Variants in FCHO2 observed in about 807,000 individuals in gnomAD.
FCHO2 encodes the protein F-BAR domain only protein 2.
A neutral mutation model predicts 114.1 loss-of-function variants in FCHO2; 43 were observed. The ratio of observed to expected loss-of-function variants is 0.38; its 90% CI spans 0.30 to 0.49. FCHO2 has a LOEUF of 0.49. Among genes scored for constraint, FCHO2 ranks in the 20% least tolerant of loss-of-function variants. FCHO2 has a pLI of 0.97. For missense variants in FCHO2, 807 were observed against 950.4 expected, an observed-to-expected ratio of 0.85 and a Z score of 1.98; for synonymous variants, 293 against 315.2, an observed-to-expected ratio of 0.93 and a Z score of 0.75.
chr5:73,074,848 C>T lies in FCHO2; in HGVS notation c.1686C>T (p.Pro562=). Residue 562 remains proline, a synonymous_variant, in exon 20 of 26, where the codon CCC becomes CCT. Transcript: ENST00000430046. The part of the protein sequence containing the change: ...SVNAYFKGAD[P]TKCIVKITGD... ...ATGCCTACTTTAAAGGAGCAGATCC[C>T]ACCAAGTTAGTTTTTAAAATATATG... The T allele has an allele frequency of 6.2e-7, 1 of 1,610,068 alleles. No homozygotes were observed. Among genetic ancestry groups the T allele is most frequent in the Non-Finnish European group, 8.5e-7 (1 of 1,178,200 alleles).
At chr5:73,005,260 G>A (rs1754655856) in intron 5 of FCHO2, among the ~76,000 whole-genome samples, 1 of 151,980 alleles carries the variant, frequency 6.6e-6, no homozygotes, top group South Asian at 2.1e-4. Flanking sequence ...GTAGTTTTTT[G>A]TTTTTAGATT....
intron 2 of FCHO2, among the ~76,000 whole-genome samples, chr5:72,987,021 G>C (rs935876057): frequency 9.2e-5 from 14 of 151,462 alleles, no homozygotes; most frequent in African/African-American, 2.9e-4. Flanking sequence ...GATTACAGGC[G>C]TGTGTCACCA....
intron 8 of FCHO2, among the ~76,000 whole-genome samples, chr5:73,017,786 A>G (rs1291993054): frequency 1.3e-5 from 2 of 152,154 alleles, no homozygotes; most frequent in African/African-American, 4.8e-5. Context: ...TAACAAATAT[A>G]TTTATTGAGT....
chr5:72,971,687 CAGA>C (rs1345050575), intron 2 of FCHO2, among the ~76,000 whole-genome samples: 1 of 152,148 alleles, frequency 6.6e-6, no homozygotes, highest in East Asian at 1.9e-4. Flanking sequence ...TTTTGCTGTG[CAGA>C]AGCTCTTGAG....
intron 18 of FCHO2, among the ~76,000 whole-genome samples, chr5:73,066,548 C>T (rs906013767): frequency 6.8e-6 from 1 of 147,970 alleles, no homozygotes; most frequent in Non-Finnish European, 1.5e-5. Context: ...TTTAAATTTT[C>T]TCCAGCTGTA....
chr5:73,086,812 C>T (rs1215442882), intron 24 of FCHO2, among the ~76,000 whole-genome samples: 1 of 152,152 alleles, frequency 6.6e-6, no homozygotes, highest in Non-Finnish European at 1.5e-5. Context: ...TGCCACTCCC[C>T]TCTACCTGTA....
chr5:72,978,414 A>C (rs929410068), intron 2 of FCHO2, among the ~76,000 whole-genome samples: 1 of 152,040 alleles, frequency 6.6e-6, no homozygotes, highest in African/African-American at 2.4e-5. Context: ...CTGTTTGTCT[A>C]TTATTGGTGT....
intron 6 of FCHO2, among the ~76,000 whole-genome samples, chr5:73,012,125 T>G (rs1365516187): frequency 6.6e-6 from 1 of 152,216 alleles, no homozygotes; most frequent in African/African-American, 2.4e-5. Flanking sequence ...GCGGTACTTT[T>G]ATGTGACAGG....
intron 15 of FCHO2, among the ~76,000 whole-genome samples, chr5:73,055,826 A>G (rs374994241): frequency 7.9e-5 from 12 of 152,294 alleles, no homozygotes; most frequent in African/African-American, 2.9e-4. Flanking sequence ...TGAATATCAT[A>G]GTTTAATTGA....
At chr5:73,019,256 A>C (rs1755477962) in intron 8 of FCHO2, among the ~76,000 whole-genome samples, 1 of 152,116 alleles carries the variant, frequency 6.6e-6, no homozygotes, top group South Asian at 2.1e-4. Flanking sequence ...ATTCATAAAG[A>C]ATTTTGTGAC....
Position 73,061,820 on chromosome 5 carries a change from C to T in FCHO2, c.1346-2021C>T, listed in dbSNP as rs148856961. Among the ~76,000 whole-genome samples the T allele has an allele frequency of 3.6e-3, 544 of 152,110 alleles. 5 individuals carry two copies. The highest frequency in any genetic ancestry group is 0.013 in the African/African-American group (527 of 41,514). ...CTAATGCTTTGGATGGGATTTCTTC[C>T]GACAGCTGCATCTCTGAGGATCACA... On this transcript the variant is annotated intron_variant, in intron 17 of 25. Transcript: ENST00000430046.
rs139996700 is a variant in FCHO2 at position 73,049,444 on chromosome 5, C to T, written c.940-1905C>T. Among the ~76,000 whole-genome samples the T allele has an allele frequency of 1.9e-3, 282 of 152,154 alleles. 3 individuals carry two copies. Among genetic ancestry groups the T allele is most frequent in the African/African-American group, 6.4e-3 (265 of 41,510 alleles). ...CTAGTCCTTGAGGAACAGGGAGGGG[C>T]CTTTTTGTCTTATCCTGTTTTTTCT... On this transcript the variant is annotated intron_variant, in intron 11 of 25. Coordinates refer to ENST00000430046, the MANE Select transcript of FCHO2 (RefSeq NM_138782.3).
rs1756553026 is a variant in FCHO2 at position 73,037,172 on chromosome 5, G to A, written c.871G>A (p.Ala291Thr). 1 of 1,592,728 alleles carries A rather than the reference G, an allele frequency of 6.3e-7. No homozygotes were observed. Among genetic ancestry groups the A allele is most frequent in the Admixed American group, 1.8e-5 (1 of 56,956 alleles). ...AAAACCAAGGAAAAGAAAGACCTTT[G>A]CTTTGCCAGGAATCATTAAAAAGGA... ...GIKPRKRKTF[A>T]LPGIIKKEKD... The change falls in exon 10 of 26, where the codon GCT becomes ACT. Residue 291 changes from alanine to threonine, a missense_variant. Ala to Thr is a moderately conservative substitution (Grantham distance 58). Coordinates refer to ENST00000430046, the MANE Select transcript of FCHO2 (RefSeq NM_138782.3).
At position 73,088,576 on chromosome 5, in the gene FCHO2, T is replaced by C. The variant is rs562752182; in HGVS notation, c.*486T>C. 1 of 160,212 alleles carries C rather than the reference T, an allele frequency of 6.2e-6. No homozygotes were observed. The highest frequency in any genetic ancestry group is 1.8e-4 in the South Asian group (1 of 5,528). 9.9% of individuals were successfully genotyped at this position (160,212 alleles called of 1,614,324 possible). ...TGTTAACTCAGAACACTTAATCAAATTGAGCTATGTGCCATAAGGTAATCA... is the reference window on the plus strand; with the variant it reads ...TGTTAACTCAGAACACTTAATCAAACTGAGCTATGTGCCATAAGGTAATCA... On this transcript the variant is annotated 3_prime_UTR_variant, in exon 26 of 26. Coordinates refer to ENST00000430046, the MANE Select transcript of FCHO2 (RefSeq NM_138782.3).
chr5:73,015,355 C>T lies in FCHO2; in HGVS notation c.601-271C>T, dbSNP rs1580106669. Among the ~76,000 whole-genome samples, 11 of 151,796 alleles carry T rather than the reference C, an allele frequency of 7.2e-5. No homozygotes were observed. In the South Asian group the frequency reaches 2.3e-3, roughly 32 times the overall value. ...TGGGCTCACTGGAACCTCTGCCTCCCAGGTTCAAATGATTCTCCTGCCTCA... is the reference window on the plus strand; with the variant it reads ...TGGGCTCACTGGAACCTCTGCCTCCTAGGTTCAAATGATTCTCCTGCCTCA... On this transcript the variant is annotated intron_variant, in intron 6 of 25. Coordinates refer to ENST00000430046, the MANE Select transcript of FCHO2 (RefSeq NM_138782.3).
At position 73,081,808 on chromosome 5, in the gene FCHO2, C is replaced by T. The variant is rs758380367; in HGVS notation, c.2006C>T (p.Thr669Ile). 1.9e-6 allele frequency: 3 copies of T among 1,576,160 alleles called. No homozygotes were observed. The highest frequency in any genetic ancestry group is 2.6e-6 in the Non-Finnish European group (3 of 1,159,680). ...GTATCATCAAATGGTATTCAGTCCA[C>T]TCCTCTGAATCTTGCAACATACTGG... ...YQVSSNGIQS[T>I]PLNLATYWKC... Residue 669 changes from threonine (T) to isoleucine (I), a missense_variant, in exon 23 of 26, where the codon ACT becomes ATT. Physicochemically the swap from Thr to Ile is moderately conservative, Grantham distance 89 (BLOSUM62 -1). Transcript: ENST00000430046.
chr5:73,041,861 T>G (rs1224758608), intron 11 of FCHO2, among the ~76,000 whole-genome samples: 1 of 152,074 alleles, frequency 6.6e-6, no homozygotes, highest in Non-Finnish European at 1.5e-5. Context: ...TTGGTTACAG[T>G]GAGAGAGTAG....
intron 11 of FCHO2, among the ~76,000 whole-genome samples, chr5:73,048,209 G>C (rs917683418): frequency 6.6e-6 from 1 of 151,928 alleles, no homozygotes; most frequent in African/African-American, 2.4e-5. Flanking sequence ...CAACACTTTG[G>C]GGGGCCGAGG....
At chr5:73,054,715 T>G (rs1757502536) in intron 15 of FCHO2, among the ~76,000 whole-genome samples, 166 bp downstream of exon 15, 1 of 152,198 alleles carries the variant, frequency 6.6e-6, no homozygotes, top group Non-Finnish European at 1.5e-5. Flanking sequence ...GTATCTATAT[T>G]ATTTCCTGTA....
Sources: gnomAD v4.1 joint callset for allele counts (sites outside exome capture counted in the v4.1 genomes callset) on GRCh38, gnomAD v4.1.1 for gene constraint, MANE v1.5 for transcripts, NCBI Gene and HGNC (gene_info 2026-07-23, HGNC 2026-07-21) for gene names.